PIP5K1B: variants seen among roughly 807,000 people sequenced by gnomAD.
PIP5K1B encodes the protein phosphatidylinositol-4-phosphate 5-kinase type 1 beta, also known as phosphatidylinositol 4-phosphate 5-kinase type-1 beta.
PIP5K1B carries 42 observed loss-of-function variants against 67.0 expected under a neutral mutation model. The ratio of observed to expected loss-of-function variants is 0.63; its 90% confidence interval spans 0.49 to 0.81. The LOEUF is 0.81. PIP5K1B is among the 30% of genes least tolerant of loss of function. The pLI is 0.00. For missense variants in PIP5K1B, 459 were observed against 646.3 expected (o/e 0.71, Z 3.14); for synonymous variants, 214 against 231.4 (o/e 0.92, Z 0.68).
At chr9:68,781,013 A>G in intron 2 of PIP5K1B, 2 of 1,613,000 alleles carry the variant, frequency 1.2e-6, no homozygotes, top group South Asian at 2.2e-5. Flanking sequence ...CACTAGATGA[A>G]CTTTCGTCTA....
intron 3 of PIP5K1B, chr9:68,822,410 A>G: frequency 2.1e-6 from 1 of 481,212 alleles, no homozygotes; most frequent in East Asian, 3.4e-5. Context: ...TATTACGAAA[A>G]TGTTTTAGAT....
rs116535024 is a variant in PIP5K1B at position 68,982,537 on chromosome 9, G to A, written c.1503-8603G>A. ...TCTGGGAGGCTGAGGTGGGTGGATC[G>A]CCCAAGGCCAGGAGTTCAAGACCAG... On this transcript the variant is annotated intron_variant, in intron 14 of 15. Coordinates refer to ENST00000265382, the MANE Select transcript of PIP5K1B (RefSeq NM_003558.4). Among the ~76,000 whole-genome samples, 1,421 of 152,058 alleles carry A rather than the reference G, an allele frequency of 9.3e-3. 20 individuals carry two copies. The highest frequency in any genetic ancestry group is 0.032 in the African/African-American group (1,342 of 41,504).
At chr9:68,998,608 C>T (rs531738161) in intron 15 of PIP5K1B, among the ~76,000 whole-genome samples, 1 of 152,172 alleles carries the variant, frequency 6.6e-6, no homozygotes, top group Non-Finnish European at 1.5e-5. Flanking sequence ...TGAGGAAGAA[C>T]AGCCTGTAAT....
chr9:68,883,212 G>A (rs940495476), intron 6 of PIP5K1B, among the ~76,000 whole-genome samples: 1 of 152,122 alleles, frequency 6.6e-6, no homozygotes, highest in African/African-American at 2.4e-5. Context: ...CAAATCTCAC[G>A]CCCTTTTCAC....
chr9:68,783,200 G>A (rs1480363968), intron 2 of PIP5K1B: 1 of 167,048 alleles, frequency 6.0e-6, no homozygotes, highest in Non-Finnish European at 1.5e-5. Context: ...TTTAGCCTCA[G>A]ATAGAAGGAC....
At chr9:68,805,886 G>C (rs1242153370) in intron 2 of PIP5K1B, among the ~76,000 whole-genome samples, 1 of 152,208 alleles carries the variant, frequency 6.6e-6, no homozygotes, top group East Asian at 1.9e-4. Flanking sequence ...GAACCCAGTT[G>C]CTTGCTAGGG....
chr9:68,806,338 GT>G (rs1355232413), intron 2 of PIP5K1B, among the ~76,000 whole-genome samples: 6 of 152,314 alleles, frequency 3.9e-5, no homozygotes, highest in African/African-American at 1.4e-4. Flanking sequence ...CAGTGTTTTT[GT>G]TGTAAACATC....
intron 1 of PIP5K1B, among the ~76,000 whole-genome samples, chr9:68,732,632 A>T (rs1412739716): frequency 6.6e-6 from 1 of 152,196 alleles, no homozygotes. Flanking sequence ...GGGTCTGGTA[A>T]ACAGAAGCAG....
rs528822660 is a variant in PIP5K1B, at chr9:68,860,719, C to T, written c.70-3118C>T. On this transcript the variant is annotated intron_variant, in intron 4 of 15. Coordinates refer to ENST00000265382, the MANE Select transcript of PIP5K1B (RefSeq NM_003558.4). ...ACTTAACCTTGCTGAGCCTTAAATC[C>T]ACCTCTGTAAAATGGGAACAGTTGT... 2.0e-5 allele frequency among the ~76,000 whole-genome samples: 3 copies of T among 152,248 alleles called. No individual in the cohort carries two copies. The South Asian group carries it at 6.2e-4, about 32-fold the overall frequency.
intron 14 of PIP5K1B, among the ~76,000 whole-genome samples, chr9:68,969,598 T>G (rs1829246812): frequency 6.6e-6 from 1 of 152,098 alleles, no homozygotes; most frequent in Non-Finnish European, 1.5e-5. Context: ...AAGAAATTGC[T>G]AGAAGGCAGA....
chr9:69,005,610 C>T (rs967355507), intron 15 of PIP5K1B, among the ~76,000 whole-genome samples: 6 of 152,140 alleles, frequency 3.9e-5, no homozygotes, highest in African/African-American at 9.7e-5. Context: ...TCCTCCCGAC[C>T]TCAGGTGATC....
intron 2 of PIP5K1B, among the ~76,000 whole-genome samples, chr9:68,793,131 G>GTGTATGTGTATACAGATATAGTGTAT (rs1331492377): frequency 6.6e-6 from 1 of 152,156 alleles, no homozygotes; most frequent in South Asian, 2.1e-4. Flanking sequence ...TATAGTGTAA[G>GTGTATGTGTATACAGATATAGTGTAT]GAACAGGAGC....
At chr9:69,000,871 G>T (rs1333331966) in intron 15 of PIP5K1B, among the ~76,000 whole-genome samples, 2 of 150,384 alleles carry the variant, frequency 1.3e-5, no homozygotes, top group Non-Finnish European at 3.0e-5. Flanking sequence ...TGCTGAGATG[G>T]AAAAGGCTTG....
At chr9:68,779,968 C>T in intron 2 of PIP5K1B, 1 of 636,886 alleles carries the variant, frequency 1.6e-6, no homozygotes, top group Non-Finnish European at 2.4e-6. Flanking sequence ...CTACCACTGC[C>T]GCGCACATAT....
At chr9:68,912,280 G>T (rs917763414) in intron 8 of PIP5K1B, among the ~76,000 whole-genome samples, 4 of 152,124 alleles carry the variant, frequency 2.6e-5, no homozygotes, top group Non-Finnish European at 4.4e-5. Flanking sequence ...TCCACAGTGC[G>T]TGGCACTCAA....
At chr9:68,982,332 G>A (rs1271528624) in intron 14 of PIP5K1B, among the ~76,000 whole-genome samples, 1 of 152,190 alleles carries the variant, frequency 6.6e-6, no homozygotes, top group Non-Finnish European at 1.5e-5. Context: ...ATAGGCTTGT[G>A]CCCAGGAAAT....
chr9:68,994,085 G>A (rs896738070), intron 15 of PIP5K1B, among the ~76,000 whole-genome samples: 17 of 126,170 alleles, frequency 1.3e-4, no homozygotes, highest in African/African-American at 4.1e-4. Context: ...TTGTCGCCCA[G>A]GCTGGAGTGC....
At chr9:69,008,401 T>C (rs781378283) in intron 15 of PIP5K1B, 46 bp from the exon 16 acceptor site, 11 of 1,606,224 alleles carry the variant, frequency 6.8e-6, no homozygotes, top group East Asian at 2.2e-5. Context: ...AGGTTACAAA[T>C]TGATGCCAAA....
At chr9:68,914,617 A>AG (rs1826009863) in intron 8 of PIP5K1B, among the ~76,000 whole-genome samples, 1 of 152,192 alleles carries the variant, frequency 6.6e-6, no homozygotes, top group South Asian at 2.1e-4. Flanking sequence ...CGGGAGGCTG[A>AG]GGCAGGAGAA....
Sources: allele counts gnomAD v4.1 joint callset (sites outside exome capture counted in the v4.1 genomes callset), GRCh38; gene constraint gnomAD v4.1.1; transcripts MANE v1.5; gene names NCBI Gene and HGNC (gene_info 2026-07-23, HGNC 2026-07-21).